The following NCK2 variants were observed in gnomAD, a reference collection of about 807,000 sequenced individuals.
NCK2 encodes cytoplasmic protein NCK2.
In NCK2, 16 loss-of-function variants were observed where a neutral mutation model predicts 33.9. The observed-to-expected ratio is 0.47, with a 90% CI of 0.32 to 0.72. The LOEUF (loss-of-function observed/expected upper bound fraction) is 0.72, where lower values mean the gene tolerates loss of function less well. Ranked by LOEUF, NCK2 falls within the 30% of genes least tolerant of loss-of-function variation. NCK2 has a pLI of 0.03. For synonymous variants in NCK2, 273 were observed against 239.9 expected, an observed-to-expected ratio of 1.14 and a Z score of -1.27; for missense variants, 418 against 537.3, an observed-to-expected ratio of 0.78 and a Z score of 2.19.
rs183091589 is a variant in NCK2, at chr2:105,789,385, G to A, written c.-200-27045G>A. On this transcript the variant is annotated intron_variant, in intron 1 of 4. Coordinates refer to ENST00000233154, the MANE Select transcript of NCK2 (RefSeq NM_003581.5). The stretch of plus-strand genomic sequence containing the variant: ...GTATTTTTAGTAGAGATGGGGTTTC[G>A]CCATGTTGGCCAGGCTGGTCTCCCA... Among the ~76,000 whole-genome samples, 216 of 152,068 alleles carry A rather than the reference G, an allele frequency of 1.4e-3. 2 individuals carry two copies. The highest frequency in any genetic ancestry group is 3.5e-4 in the Non-Finnish European group (24 of 67,980).
At chr2:105,779,900 G>A (rs1475128018) in intron 1 of NCK2, among the ~76,000 whole-genome samples, 2 of 152,050 alleles carry the variant, frequency 1.3e-5, no homozygotes, top group East Asian at 1.9e-4. Flanking sequence ...CATAGCCTAC[G>A]AGACCGCCTT....
At chr2:105,771,598 T>C (rs1395442724) in intron 1 of NCK2, among the ~76,000 whole-genome samples, 4 of 152,124 alleles carry the variant, frequency 2.6e-5, no homozygotes, top group Admixed American at 2.6e-4. Flanking sequence ...GACAAATATT[T>C]CAAGAAGTTT....
At chr2:105,786,005 C>A (rs947961085) in intron 1 of NCK2, among the ~76,000 whole-genome samples, 4 of 152,154 alleles carry the variant, frequency 2.6e-5, no homozygotes, top group African/African-American at 9.7e-5. Flanking sequence ...GTGTGTGTGT[C>A]CACTCTTTGC....
Position 105,855,174 on chromosome 2 carries a change from G to A in NCK2, c.111G>A (p.Thr37=), listed in dbSNP as rs777564175. 1.9e-5 allele frequency: 30 copies of A among 1,614,094 alleles called. No individual in the cohort carries two copies. Among genetic ancestry groups the A allele is most frequent in the African/African-American group, 4.0e-5 (3 of 74,926 alleles). ...ERLWLLDDSK[T]WWRVRNAANR... Reference sequence around the variant, plus strand: ...TGTGGTTGCTGGACGACTCCAAGACGTGGTGGCGGGTGAGGAACGCGGCCA... The same window carrying A: ...TGTGGTTGCTGGACGACTCCAAGACATGGTGGCGGGTGAGGAACGCGGCCA... Residue 37 remains threonine, a synonymous_variant, in exon 3 of 5, where the codon ACG becomes ACA. Coordinates refer to ENST00000233154, the MANE Select transcript of NCK2 (RefSeq NM_003581.5).
chr2:105,853,615 C>T (rs1677147620), intron 2 of NCK2, among the ~76,000 whole-genome samples: 1 of 152,122 alleles, frequency 6.6e-6, no homozygotes, highest in African/African-American at 2.4e-5. Context: ...GTATGTCATA[C>T]CGTTTTAAAG....
At chr2:105,843,594 A>G (rs1251377644) in intron 2 of NCK2, among the ~76,000 whole-genome samples, 1 of 152,176 alleles carries the variant, frequency 6.6e-6, no homozygotes, top group Non-Finnish European at 1.5e-5. Flanking sequence ...AAACGAACGA[A>G]CACTCGCAGT....
chr2:105,761,509 G>A (rs1689763230), intron 1 of NCK2, among the ~76,000 whole-genome samples: 2 of 152,276 alleles, frequency 1.3e-5, no homozygotes, highest in African/African-American at 4.8e-5. Context: ...ATTATACACA[G>A]ATGAGAGAGA....
intron 3 of NCK2, among the ~76,000 whole-genome samples, chr2:105,871,591 G>C (rs564595129): frequency 2.2e-3 from 337 of 152,136 alleles, no homozygotes; most frequent in Middle Eastern, 0.014. Flanking sequence ...CGACTCCCAG[G>C]TTCAAGCAAT....
rs1316664273 is a variant in NCK2, at chr2:105,844,530, G to A, written c.-16-10518G>A. Among the ~76,000 whole-genome samples, 4 of 150,428 alleles carry A rather than the reference G, an allele frequency of 2.7e-5. No individual in the cohort carries two copies. In the East Asian group the frequency reaches 7.9e-4, roughly 30 times the overall value. On this transcript the variant is annotated intron_variant, in intron 2 of 4. Coordinates refer to ENST00000233154, the MANE Select transcript of NCK2 (RefSeq NM_003581.5). ...TGAAGTCGAGTTGGAGACCAGCCTG[G>A]CCAACATGATGAAACCCCCATCTCT...
intron 2 of NCK2, among the ~76,000 whole-genome samples, chr2:105,837,492 A>G (rs1328303012): frequency 2.0e-5 from 3 of 152,080 alleles, no homozygotes; most frequent in Non-Finnish European, 2.9e-5. Flanking sequence ...TCATGTGACT[A>G]TACCACCTAT....
intron 2 of NCK2, among the ~76,000 whole-genome samples, chr2:105,830,240 C>T (rs970519961): frequency 3.9e-5 from 6 of 152,150 alleles, no homozygotes; most frequent in African/African-American, 1.4e-4. Context: ...CCACCCTTCC[C>T]CACCTCTAGT....
intron 1 of NCK2, among the ~76,000 whole-genome samples, chr2:105,775,907 G>A (rs1224964999): frequency 6.6e-6 from 1 of 152,134 alleles, no homozygotes; most frequent in Admixed American, 6.5e-5. Context: ...TTTTGATTTT[G>A]TGGTTACCAA....
intron 1 of NCK2, among the ~76,000 whole-genome samples, chr2:105,758,704 G>A (rs540771868): frequency 2.6e-5 from 4 of 152,162 alleles, no homozygotes; most frequent in Admixed American, 6.5e-5. Context: ...CACTGAGCCC[G>A]TCCCGTTTTT....
chr2:105,845,218 C>T (rs917955644), intron 2 of NCK2, among the ~76,000 whole-genome samples: 1 of 152,062 alleles, frequency 6.6e-6, no homozygotes, highest in African/African-American at 2.4e-5. Flanking sequence ...CATTATGAGA[C>T]CTGGGTAGTG....
chr2:105,744,636 G>A (rs1007616329), upstream of NCK2, among the ~76,000 whole-genome samples: 2 of 151,932 alleles, frequency 1.3e-5, no homozygotes, highest in African/African-American at 2.4e-5. Flanking sequence ...GGCCCGTGCT[G>A]CGCCTCCAGA....
At chr2:105,887,735 A>C (rs921657047) in intron 4 of NCK2, among the ~76,000 whole-genome samples, 3 of 152,206 alleles carry the variant, frequency 2.0e-5, no homozygotes, top group African/African-American at 7.2e-5. Flanking sequence ...ATGAGAAAAC[A>C]ATGATTAAAT....
chr2:105,829,297 C>G (rs369061866), intron 2 of NCK2, among the ~76,000 whole-genome samples: 4 of 152,050 alleles, frequency 2.6e-5, no homozygotes, highest in African/African-American at 9.7e-5. Context: ...TGCCTTTTCC[C>G]CCAGAAGTTA....
chr2:105,838,495 T>C (rs747020004), intron 2 of NCK2, among the ~76,000 whole-genome samples: 1 of 152,212 alleles, frequency 6.6e-6, no homozygotes, highest in Non-Finnish European at 1.5e-5. Context: ...CCCTGTACTT[T>C]CACCCTTTTA....
chr2:105,854,015 G>A (rs994275313), intron 2 of NCK2: 3 of 152,208 alleles, frequency 2.0e-5, no homozygotes, highest in Non-Finnish European at 4.4e-5. Flanking sequence ...AGATGGACAC[G>A]GAAGTGCAAA....
Sources: allele counts gnomAD v4.1 joint callset (sites outside exome capture counted in the v4.1 genomes callset), GRCh38; gene constraint gnomAD v4.1.1; transcripts MANE v1.5; gene names NCBI Gene and HGNC (gene_info 2026-07-23, HGNC 2026-07-21).